Variants in CFAP95 observed in about 807,000 individuals in gnomAD.
The protein encoded by CFAP95 is cilia and flagella associated protein 95.
At chr9:69,899,257 A>T in the CFAP95 span, among the ~76,000 whole-genome samples, 1 of 152,166 alleles carries the variant, frequency 6.6e-6, no homozygotes, top group Non-Finnish European at 1.5e-5. Context: ...TCCCATTCCC[A>T]CTAAATACAT....
chr9:69,844,633 G>A, the CFAP95 span: 1 of 1,578,862 alleles, frequency 6.3e-7, no homozygotes, highest in Non-Finnish European at 8.6e-7. Context: ...CCAGTAAGTA[G>A]TTGCTATTAC....
the CFAP95 span, among the ~76,000 whole-genome samples, chr9:69,845,931 G>C: frequency 2.6e-5 from 4 of 152,122 alleles, no homozygotes; most frequent in African/African-American, 9.7e-5. Flanking sequence ...CCAGCATGTG[G>C]ATGGGGCTCT....
At chr9:69,837,416 T>C in the CFAP95 span, among the ~76,000 whole-genome samples, 15 of 152,062 alleles carry the variant, frequency 9.9e-5, no homozygotes, top group African/African-American at 2.2e-4. Flanking sequence ...TTTTAATGAT[T>C]GCCATTCTAA....
At chr9:69,880,808 C>T in the CFAP95 span, among the ~76,000 whole-genome samples, 1 of 152,186 alleles carries the variant, frequency 6.6e-6, no homozygotes, top group Non-Finnish European at 1.5e-5. Context: ...TCTCCACATC[C>T]TCACCAGCAT....
the CFAP95 span, among the ~76,000 whole-genome samples, chr9:69,852,738 C>A: frequency 6.6e-6 from 1 of 152,192 alleles, no homozygotes; most frequent in Non-Finnish European, 1.5e-5. Flanking sequence ...CAAATCTCAT[C>A]TTGTAGCTCC....
the CFAP95 span, among the ~76,000 whole-genome samples, chr9:69,893,063 T>G: frequency 6.6e-6 from 1 of 152,190 alleles, no homozygotes; most frequent in Admixed American, 6.5e-5. Context: ...CACAGAGCTG[T>G]TAAACACTTA....
At chr9:69,875,820 G>A in the CFAP95 span, among the ~76,000 whole-genome samples, 4 of 152,104 alleles carry the variant, frequency 2.6e-5, no homozygotes, top group South Asian at 2.1e-4. Flanking sequence ...ATGCTTCAAT[G>A]TTTTTAAAGA....
the CFAP95 span, among the ~76,000 whole-genome samples, chr9:69,865,756 C>A: frequency 1.3e-5 from 2 of 152,104 alleles, no homozygotes; most frequent in Admixed American, 6.6e-5. Context: ...CTTATACAAG[C>A]TGATATTTTC....
chr9:69,828,730 C>A, the CFAP95 span, among the ~76,000 whole-genome samples: 7 of 152,082 alleles, frequency 4.6e-5, no homozygotes, highest in Admixed American at 2.6e-4. Context: ...TCTATATGCA[C>A]TGAAAAGAGA....
At chr9:69,892,866 C>T in the CFAP95 span, among the ~76,000 whole-genome samples, 19 of 152,258 alleles carry the variant, frequency 1.2e-4, no homozygotes, top group African/African-American at 4.6e-4. Context: ...ATTATTTTCC[C>T]AATCCATCCC....
At chr9:69,883,273 G>A in the CFAP95 span, among the ~76,000 whole-genome samples, 4 of 152,286 alleles carry the variant, frequency 2.6e-5, no homozygotes, top group South Asian at 8.3e-4. Context: ...GTATTTAAAG[G>A]TTCAGGGCTA....
chr9:69,832,453 CT>C, the CFAP95 span, among the ~76,000 whole-genome samples: 1 of 152,088 alleles, frequency 6.6e-6, no homozygotes, highest in East Asian at 1.9e-4. Flanking sequence ...TGTCTCAGCC[CT>C]TGCCCATGTA....
the CFAP95 span, among the ~76,000 whole-genome samples, chr9:69,868,662 C>CA: frequency 0.25 from 29,656 of 120,860 alleles, 3,461 homozygotes; most frequent in Non-Finnish European, 0.31. Context: ...ACTCTGTCTC[C>CA]AAAAAAAAAA....
At chr9:69,893,830 C>T in the CFAP95 span, among the ~76,000 whole-genome samples, 6,087 of 152,208 alleles carry the variant, frequency 0.04, 365 homozygotes, top group African/African-American at 0.14. Context: ...ACTATATCCA[C>T]GATTTAATTT....
chr9:69,893,973 A>G, the CFAP95 span, among the ~76,000 whole-genome samples: 1 of 152,208 alleles, frequency 6.6e-6, no homozygotes, highest in Non-Finnish European at 1.5e-5. Context: ...CAAATAAGGT[A>G]GTGGTAGGGG....
the CFAP95 span, among the ~76,000 whole-genome samples, chr9:69,834,194 A>G: frequency 1.3e-5 from 2 of 152,190 alleles, no homozygotes; most frequent in African/African-American, 2.4e-5. Context: ...ACTAATGTAC[A>G]GTGCCCCTTA....
At chr9:69,867,932 G>A in the CFAP95 span, among the ~76,000 whole-genome samples, 2 of 152,186 alleles carry the variant, frequency 1.3e-5, no homozygotes, top group African/African-American at 4.8e-5. Flanking sequence ...ACCCGGCTGA[G>A]CTAATCATTC....
the CFAP95 span, among the ~76,000 whole-genome samples, chr9:69,845,181 C>T: frequency 6.6e-6 from 1 of 152,134 alleles, no homozygotes; most frequent in African/African-American, 2.4e-5. Context: ...AATCCAGTTA[C>T]AAGAAAAATA....
At chr9:69,857,061 C>T in the CFAP95 span, among the ~76,000 whole-genome samples, 1 of 151,664 alleles carries the variant, frequency 6.6e-6, no homozygotes, top group Admixed American at 6.6e-5. Context: ...GCATCTACTT[C>T]GTAGGGTTGT....
Sources: gnomAD v4.1 joint callset for allele counts (sites outside exome capture counted in the v4.1 genomes callset) on GRCh38, gnomAD v4.1.1 for gene constraint, MANE v1.5 for transcripts, NCBI Gene and HGNC (gene_info 2026-07-23, HGNC 2026-07-21) for gene names.